DYSF: variants seen among roughly 807,000 people sequenced by gnomAD.
DYSF encodes the protein dysferlin.
Under a neutral mutation model 274.9 loss-of-function variants are expected in DYSF, and 212 were observed. That is an observed-to-expected ratio of 0.77 (90% CI 0.69 to 0.86). The LOEUF is 0.86. Ranked by LOEUF, DYSF falls within the 40% of genes least tolerant of loss-of-function variation. The probability of loss-of-function intolerance (pLI) is 0.00; values close to 1 mark genes in which losing one functional copy is unlikely to be tolerated. For synonymous variants in DYSF, 1,091 were observed against 1,078.7 expected, an observed-to-expected ratio of 1.01 and a Z score of -0.22; for missense variants, 2,666 against 2,783.2, an observed-to-expected ratio of 0.96 and a Z score of 0.95.
In DYSF at chr2:71,526,374, G is replaced by A. The variant is rs756856668; in HGVS notation, c.1276+28G>A. The stretch of plus-strand genomic sequence containing the variant: ...GCGTGGGGCGCGCCCTTGGGTGGGA[G>A]GTCTGCAGGAGGCTGGAGGCGCAGG... On this transcript the variant is annotated intron_variant, in intron 13 of 55. Transcript: ENST00000410020. 4 of 1,608,486 alleles carry A rather than the reference G, an allele frequency of 2.5e-6. No individual in the cohort carries two copies. In the African/African-American group the frequency reaches 5.4e-5, roughly 22 times the overall value.
intron 36 of DYSF, among the ~76,000 whole-genome samples, chr2:71,604,550 G>T (rs573293347): frequency 6.6e-6 from 1 of 152,316 alleles, no homozygotes; most frequent in Admixed American, 6.5e-5. Context: ...AGATGGGTGT[G>T]TTGGGGAGCT....
At chr2:71,591,811 C>CCAG (rs1309370208) in intron 32 of DYSF, among the ~76,000 whole-genome samples, 2 of 152,234 alleles carry the variant, frequency 1.3e-5, no homozygotes, top group African/African-American at 4.8e-5. Flanking sequence ...GTCCTTCTCT[C>CCAG]CAGCAGCTGT....
At chr2:71,645,918 G>C (rs72904637) in intron 42 of DYSF, among the ~76,000 whole-genome samples, 1 of 152,146 alleles carries the variant, frequency 6.6e-6, no homozygotes, top group African/African-American at 2.4e-5. Flanking sequence ...GAGCCCTTTG[G>C]AGGGGACTGG....
chr2:71,554,257 C>T (rs1315146140), intron 21 of DYSF, among the ~76,000 whole-genome samples: 1 of 152,224 alleles, frequency 6.6e-6, no homozygotes, highest in Non-Finnish European at 1.5e-5. Flanking sequence ...CATTACAGGC[C>T]TTTGGACTCG....
At chr2:71,478,914 C>G (rs1350750967) in intron 1 of DYSF, among the ~76,000 whole-genome samples, 1 of 152,092 alleles carries the variant, frequency 6.6e-6, no homozygotes, top group African/African-American at 2.4e-5. Context: ...TTCCCTCCTC[C>G]TCTTCTCCAG....
At chr2:71,523,351 C>T (rs2087507689) in intron 12 of DYSF, among the ~76,000 whole-genome samples, 1 of 152,188 alleles carries the variant, frequency 6.6e-6, no homozygotes, top group African/African-American at 2.4e-5. Context: ...CCACATCTAA[C>T]TACGAGGGAG....
intron 41 of DYSF, among the ~76,000 whole-genome samples, chr2:71,634,242 G>A (rs147434233): frequency 8.6e-4 from 131 of 152,288 alleles, no homozygotes; most frequent in African/African-American, 3.0e-3. Flanking sequence ...CAAACCTTTT[G>A]TGTTTCTTTT....
rs1203556690 is a variant in DYSF at position 71,663,291 on chromosome 2, TCCCACTGCAC to T, written c.5004-976_5004-967del. 1.1e-4 allele frequency among the ~76,000 whole-genome samples: 16 copies of T among 152,322 alleles called. No individual in the cohort carries two copies. In the South Asian group the frequency reaches 3.3e-3, roughly 32 times the overall value. On this transcript the variant is annotated intron_variant, in intron 45 of 55. Transcript: ENST00000410020. ...TCCTCAGAGAGCCCCCCGTGAGCCC[TCCCACTGCAC>T]TTTCTGGGATATGGCAGATGCTGCG... is the stretch of plus-strand genomic sequence containing the variant.
rs2086345617 is a variant in DYSF, at chr2:71,513,703, C to T, written c.554-13C>T. On this transcript the variant is annotated splice_polypyrimidine_tract_variant and intron_variant, in intron 6 of 55. Transcript: ENST00000410020. ...AGAGGGATCCAGGCCTCATTAGGGCCCTCTCCTCTTAGACACAGGAGGAGA... is the reference window on the plus strand; with the variant it reads ...AGAGGGATCCAGGCCTCATTAGGGCTCTCTCCTCTTAGACACAGGAGGAGA... 1.2e-6 allele frequency: 2 copies of T among 1,613,234 alleles called. No individual in the cohort carries two copies. The highest frequency in any genetic ancestry group is 1.7e-5 in the Admixed American group (1 of 59,992).
chr2:71,514,151 A>T (rs2086410268), intron 7 of DYSF, among the ~76,000 whole-genome samples: 1 of 151,284 alleles, frequency 6.6e-6, no homozygotes, highest in Non-Finnish European at 1.5e-5. Context: ...TGCGCTTAAA[A>T]AAAAAAAAAA....
chr2:71,684,754 G>A (rs2095336123), intron 55 of DYSF, among the ~76,000 whole-genome samples: 1 of 152,238 alleles, frequency 6.6e-6, no homozygotes. Context: ...GTAGGCACAT[G>A]ATGGTTGGAG....
At chr2:71,625,612 C>G (rs2094194853) in intron 41 of DYSF, among the ~76,000 whole-genome samples, 1 of 152,044 alleles carries the variant, frequency 6.6e-6, no homozygotes, top group African/African-American at 2.4e-5. Context: ...GTACTTTGTT[C>G]ATTTTCAGAA....
chr2:71,555,897 G>A, intron 21 of DYSF, 68 bp from the exon 22 acceptor site: 1 of 1,276,236 alleles, frequency 7.8e-7, no homozygotes, highest in Admixed American at 2.0e-5. Flanking sequence ...CAAGGCCTGG[G>A]GGTTGGGTCC....
chr2:71,503,254 G>C lies in DYSF; in HGVS notation c.280G>C (p.Ala94Pro), dbSNP rs759171890. The change falls in exon 4 of 56, where the codon GCC becomes CCC. Residue 94 changes from alanine to proline, a missense_variant. Transcript: ENST00000410020. ...CAAGGTCCCACTCCGAGAGGTCCTC[G>C]CCACCCCTAGTCTGTCCGCCAGCTT... The part of the protein sequence containing the change: ...EAKVPLREVL[A>P]TPSLSASFNA... 5.6e-6 allele frequency: 9 copies of C among 1,614,032 alleles called. No homozygotes were observed. The Admixed American group carries it at 1.5e-4, about 27-fold the overall frequency.
intron 1 of DYSF, among the ~76,000 whole-genome samples, chr2:71,454,933 G>T (rs1191285837): frequency 2.0e-5 from 3 of 152,144 alleles, no homozygotes; most frequent in Non-Finnish European, 4.4e-5. Flanking sequence ...GAACCATACT[G>T]GGGGAGAAGA....
intron 55 of DYSF, among the ~76,000 whole-genome samples, chr2:71,684,250 T>C (rs1395140222): frequency 6.6e-6 from 1 of 152,216 alleles, no homozygotes; most frequent in Non-Finnish European, 1.5e-5. Flanking sequence ...GATACAGGAC[T>C]GTGGAAGAGT....
chr2:71,471,407 C>T (rs527639981), intron 1 of DYSF, among the ~76,000 whole-genome samples: 1 of 152,252 alleles, frequency 6.6e-6, no homozygotes, highest in Non-Finnish European at 1.5e-5. Flanking sequence ...GTTGGGGGCA[C>T]AGGGTGTTTA....
At chr2:71,585,775 T>C (rs1429634514) in intron 30 of DYSF, among the ~76,000 whole-genome samples, 1 of 152,094 alleles carries the variant, frequency 6.6e-6, no homozygotes, top group Non-Finnish European at 1.5e-5. Context: ...GGGTGCACGC[T>C]GGGCACCTGG....
intron 22 of DYSF, among the ~76,000 whole-genome samples, chr2:71,560,678 C>A (rs1324576661): frequency 6.6e-6 from 1 of 151,876 alleles, no homozygotes; most frequent in African/African-American, 2.4e-5. Context: ...CTGGCGGCGG[C>A]GGTGCCGCTG....
Sources: allele counts gnomAD v4.1 joint callset (sites outside exome capture counted in the v4.1 genomes callset), GRCh38; gene constraint gnomAD v4.1.1; transcripts MANE v1.5; gene names NCBI Gene and HGNC (gene_info 2026-07-23, HGNC 2026-07-21).